CACNA1A: variants seen among roughly 807,000 people sequenced by gnomAD.
The protein encoded by CACNA1A is calcium voltage-gated channel subunit alpha1 A.
A neutral mutation model predicts 262.4 loss-of-function variants in CACNA1A; 57 were observed. That is an observed-to-expected ratio of 0.22 (90% CI 0.18 to 0.27). The LOEUF is 0.27. CACNA1A is among the 10% of genes least tolerant of loss of function. The pLI is 1.00. For synonymous variants in CACNA1A, 1,431 were observed against 1,419.3 expected, an observed-to-expected ratio of 1.01 and a Z score of -0.18; for missense variants, 2,526 against 3,562.8, an observed-to-expected ratio of 0.71 and a Z score of 7.41.
chr19:13,484,005 G>A (rs1979675075), intron 1 of CACNA1A, among the ~76,000 whole-genome samples: 1 of 152,122 alleles, frequency 6.6e-6, no homozygotes, highest in Non-Finnish European at 1.5e-5. Context: ...ACCTCAGTAG[G>A]GAAATTATTT....
rs534926809 is a variant in CACNA1A at position 13,338,174 on chromosome 19, C to A, written c.979-2265G>T. ...AGCTTGCAGTGAGCGGAGATCACACCACTGCACTCCAGCCTGGGCAACAGA... is the reference window on the plus strand; with the variant it reads ...AGCTTGCAGTGAGCGGAGATCACACAACTGCACTCCAGCCTGGGCAACAGA... On this transcript the variant is annotated intron_variant, in intron 6 of 46. Coordinates refer to ENST00000360228, the MANE Select transcript of CACNA1A (RefSeq NM_001127222.2). Among the ~76,000 whole-genome samples, 44 of 152,118 alleles carry A rather than the reference C, an allele frequency of 2.9e-4. 1 individual carries two copies. The South Asian group carries it at 8.9e-3, about 31-fold the overall frequency.
intron 19 of CACNA1A, among the ~76,000 whole-genome samples, chr19:13,297,538 G>GGT (rs2057689482): frequency 6.6e-6 from 1 of 151,992 alleles, no homozygotes. Flanking sequence ...GGCTGAGTGT[G>GGT]GTGGCTCAAC....
intron 45 of CACNA1A, 113 bp downstream of exon 45, chr19:13,209,197 CCT>C: frequency 7.5e-7 from 1 of 1,337,500 alleles, no homozygotes; most frequent in Middle Eastern, 2.5e-4. Flanking sequence ...CCCTCTGTCC[CCT>C]CTCCATGGAG....
intron 15 of CACNA1A, 100 bp downstream of exon 15, chr19:13,307,682 A>G (rs2057933301): frequency 1.1e-6 from 1 of 909,846 alleles, no homozygotes; most frequent in South Asian, 1.5e-5. Context: ...AAGGCCAGGT[A>G]GAGAAGGAGG....
chr19:13,346,666 A>ATTT (rs74181823), intron 6 of CACNA1A, among the ~76,000 whole-genome samples: 4 of 8,284 alleles, frequency 4.8e-4, no homozygotes, highest in Non-Finnish European at 8.0e-4. Context: ...ATATATATAT[A>ATTT]TTTTTTTTTT....
chr19:13,367,016 G>C (rs957077922), intron 4 of CACNA1A, among the ~76,000 whole-genome samples: 2 of 151,422 alleles, frequency 1.3e-5, no homozygotes, highest in Non-Finnish European at 2.9e-5. Flanking sequence ...ACTAGGCAGG[G>C]CGCGGCGGCG....
At chr19:13,444,243 C>CATCCTTGGGGATGAT (rs2060771861) in intron 3 of CACNA1A, among the ~76,000 whole-genome samples, 1 of 152,074 alleles carries the variant, frequency 6.6e-6, no homozygotes, top group East Asian at 1.9e-4. Flanking sequence ...GATGACTGAT[C>CATCCTTGGGGATGAT]CATGGAGGGG....
At chr19:13,324,382 T>C (rs1022333341) in intron 10 of CACNA1A, among the ~76,000 whole-genome samples, 1 of 152,228 alleles carries the variant, frequency 6.6e-6, no homozygotes, top group East Asian at 1.9e-4. Flanking sequence ...GTATTTATAT[T>C]GCATTATTAA....
intron 6 of CACNA1A, among the ~76,000 whole-genome samples, chr19:13,347,373 G>T (rs1041769030): frequency 3.3e-5 from 5 of 151,906 alleles, no homozygotes; most frequent in African/African-American, 1.2e-4. Flanking sequence ...GCCATTCGGG[G>T]TGTATAAGAA....
intron 30 of CACNA1A, 93 bp from the exon 31 acceptor site, chr19:13,245,358 C>A: frequency 1.1e-6 from 1 of 944,262 alleles, no homozygotes; most frequent in Non-Finnish European, 1.7e-6. Context: ...GCACAGTTGC[C>A]CATCAGCGGA....
intron 6 of CACNA1A, among the ~76,000 whole-genome samples, chr19:13,353,450 T>C (rs550726064): frequency 6.6e-6 from 1 of 152,222 alleles, no homozygotes; most frequent in East Asian, 1.9e-4. Flanking sequence ...CATCATTATA[T>C]GGTGAGCCTT....
chr19:13,406,429 T>A (rs1428101531), intron 3 of CACNA1A, among the ~76,000 whole-genome samples: 1 of 137,168 alleles, frequency 7.3e-6, no homozygotes, highest in East Asian at 2.2e-4. Flanking sequence ...GGCTTCAGCC[T>A]GGGTGACAGA....
chr19:13,260,424 C>A (rs986412203), intron 26 of CACNA1A: 1 of 151,536 alleles, frequency 6.6e-6, no homozygotes, highest in Non-Finnish European at 1.5e-5. Flanking sequence ...TCTGGGCTCA[C>A]TGCAAGCTCC....
Position 13,259,614 on chromosome 19 carries a change from C to G in CACNA1A, c.4338G>C (p.Leu1446=). ...KKYEFHYDNV[L]WALLTLFTVS... ...CGGTGAAGAGGGTCAGCAGAGCCCA[C>G]AGCACATTGTCGTAATGGAATTCAT... Residue 1446 remains leucine, a synonymous_variant, in exon 27 of 47, where the codon CTG becomes CTC. Coordinates refer to ENST00000360228, the MANE Select transcript of CACNA1A (RefSeq NM_001127222.2). 2 of 1,610,624 alleles carry G rather than the reference C, an allele frequency of 1.2e-6. No individual in the cohort carries two copies. The highest frequency in any genetic ancestry group is 1.7e-6 in the Non-Finnish European group (2 of 1,178,464).
At chr19:13,259,981 T>TAGTC (rs2056686419) in intron 26 of CACNA1A, 2 of 349,036 alleles carry the variant, frequency 5.7e-6, no homozygotes, top group South Asian at 6.8e-5. Context: ...TGATAACTTC[T>TAGTC]AGTCCTCAGG....
intron 3 of CACNA1A, among the ~76,000 whole-genome samples, chr19:13,411,758 CT>C (rs1468888051): frequency 6.6e-6 from 1 of 151,970 alleles, no homozygotes; most frequent in African/African-American, 2.4e-5. Flanking sequence ...GTCTCCCAGG[CT>C]GAAGCACAAT....
rs570583676 is a variant in CACNA1A, at chr19:13,212,316, G to A, written c.6189+68C>T. On this transcript the variant is annotated intron_variant, in intron 42 of 46. Coordinates refer to ENST00000360228, the MANE Select transcript of CACNA1A (RefSeq NM_001127222.2). This position sits in a 1 kb window ranked among gnomAD's most constrained non-coding sequence, Gnocchi z 5.6. ...AGCTGCAGGTGTGTGTGTGTGGGGG[G>A]CCCAGATCCCTTCCACCTGAACCAC... The A allele has an allele frequency of 4.4e-6, 7 of 1,577,620 alleles. No homozygotes were observed. Among genetic ancestry groups the A allele is most frequent in the South Asian group, 3.4e-5 (3 of 89,532 alleles).
At chr19:13,250,183 A>T (rs1429940812) in intron 30 of CACNA1A, among the ~76,000 whole-genome samples, 1 of 140,004 alleles carries the variant, frequency 7.1e-6, no homozygotes, top group African/African-American at 2.7e-5. Context: ...CCTCAGCCTC[A>T]CGAGTAGCTG....
At chr19:13,411,478 C>T (rs2060107990) in intron 3 of CACNA1A, among the ~76,000 whole-genome samples, 1 of 152,166 alleles carries the variant, frequency 6.6e-6, no homozygotes, top group African/African-American at 2.4e-5. Flanking sequence ...TGCCTGCTGC[C>T]ATGTAAGACA....
Sources: allele counts gnomAD v4.1 joint callset (sites outside exome capture counted in the v4.1 genomes callset), GRCh38; gene constraint gnomAD v4.1.1; non-coding constraint Gnocchi (gnomAD v3.1); transcripts MANE v1.5; gene names NCBI Gene and HGNC (gene_info 2026-07-23, HGNC 2026-07-21).